The following TNNI3K variants were observed in gnomAD, a reference collection of about 807,000 sequenced individuals.
TNNI3K encodes TNNI3 interacting kinase.
Under a neutral mutation model 114.5 loss-of-function variants are expected in TNNI3K, and 140 were observed. The ratio of observed to expected loss-of-function variants is 1.22; its 90% CI spans 1.07 to 1.41. The LOEUF (loss-of-function observed/expected upper bound fraction) is 1.41, where lower values mean the gene tolerates loss of function less well. Among genes scored for constraint, TNNI3K ranks in the 40% most tolerant of loss-of-function variants. The pLI is 0.00. For missense variants in TNNI3K, 1,125 were observed against 1,007.6 expected, an observed-to-expected ratio of 1.12 and a Z score of -1.58; for synonymous variants, 347 against 347.5, an observed-to-expected ratio of 1.00 and a Z score of 0.02.
intron 17 of TNNI3K, among the ~76,000 whole-genome samples, chr1:74,383,511 T>C (rs939768864): frequency 2.0e-5 from 3 of 152,078 alleles, no homozygotes; most frequent in African/African-American, 7.2e-5. Flanking sequence ...CCCAAATGCT[T>C]CTTGCAGGAA....
chr1:74,319,296 G>A (rs1312428295), intron 5 of TNNI3K, among the ~76,000 whole-genome samples: 1 of 152,160 alleles, frequency 6.6e-6, no homozygotes, highest in African/African-American at 2.4e-5. Context: ...TGAGGGAGAG[G>A]TCAAGAGAGT....
At chr1:74,434,389 C>A (rs1270621400) in intron 17 of TNNI3K, among the ~76,000 whole-genome samples, 1 of 152,034 alleles carries the variant, frequency 6.6e-6, no homozygotes, top group Non-Finnish European at 1.5e-5. Flanking sequence ...TCTCTTCCAG[C>A]CTCATCTCCT....
chr1:74,326,659 A>G (rs985929284), intron 5 of TNNI3K, among the ~76,000 whole-genome samples: 3 of 152,320 alleles, frequency 2.0e-5, no homozygotes, highest in East Asian at 3.9e-4. Context: ...GAAAGATTAC[A>G]TTGTGTCACT....
chr1:74,236,993 T>C (rs1052611781), intron 2 of TNNI3K, among the ~76,000 whole-genome samples: 2 of 151,852 alleles, frequency 1.3e-5, no homozygotes, highest in South Asian at 4.1e-4. Flanking sequence ...GGCAAAGAAC[T>C]CCCTCTATTT....
rs74093683 is a variant in TNNI3K at position 74,313,973 on chromosome 1, G to C, written c.445-17477G>C. Among the ~76,000 whole-genome samples the C allele has an allele frequency of 9.9e-3, 1,488 of 150,612 alleles. 32 individuals are homozygous for C. Among genetic ancestry groups the C allele is most frequent in the African/African-American group, 0.035 (1,415 of 40,888 alleles). The stretch of plus-strand genomic sequence containing the variant: ...CTCTGATAAGACTGAAGTCTTAACC[G>C]ATATTCTGTAGAGCCCAAGAGAGGG... On this transcript the variant is annotated intron_variant, in intron 5 of 24. Coordinates refer to ENST00000326637, the MANE Select transcript of TNNI3K (RefSeq NM_015978.3).
intron 20 of TNNI3K, among the ~76,000 whole-genome samples, chr1:74,450,192 G>A (rs952577222): frequency 1.7e-4 from 25 of 150,938 alleles, no homozygotes; most frequent in Non-Finnish European, 3.2e-4. Flanking sequence ...AAATAAAGAT[G>A]TTCTTTGAAA....
At chr1:74,342,033 C>G (rs1660771267) in intron 7 of TNNI3K, 1 of 152,154 alleles carries the variant, frequency 6.6e-6, no homozygotes, top group Non-Finnish European at 1.5e-5. Flanking sequence ...TCCAGGATAA[C>G]AAGCCTAAAC....
At chr1:74,468,143 G>T (rs1446981438) in intron 21 of TNNI3K, 1 of 152,144 alleles carries the variant, frequency 6.6e-6, no homozygotes, top group Admixed American at 6.6e-5. Context: ...TGCCTCCTGA[G>T]AGTCAGTTAG....
intron 17 of TNNI3K, among the ~76,000 whole-genome samples, chr1:74,391,655 A>T (rs1663777482): frequency 6.6e-6 from 1 of 152,228 alleles, no homozygotes; most frequent in South Asian, 2.1e-4. Flanking sequence ...TACTTAAATT[A>T]TACATTTGAG....
intron 20 of TNNI3K, among the ~76,000 whole-genome samples, chr1:74,461,258 A>G (rs1667441890): frequency 6.6e-6 from 1 of 152,222 alleles, no homozygotes; most frequent in South Asian, 2.1e-4. Flanking sequence ...AGGCAGGAGG[A>G]TCACGAGGTC....
intron 11 of TNNI3K, among the ~76,000 whole-genome samples, chr1:74,361,047 T>A (rs1389473492): frequency 6.6e-6 from 1 of 152,132 alleles, no homozygotes; most frequent in Non-Finnish European, 1.5e-5. Context: ...ATCTGGTGAG[T>A]TGATATTCTA....
intron 4 of TNNI3K, among the ~76,000 whole-genome samples, chr1:74,264,899 C>T (rs904079540): frequency 1.3e-5 from 2 of 151,922 alleles, no homozygotes; most frequent in African/African-American, 4.8e-5. Context: ...TTTGCACATA[C>T]ATTATTTCAT....
At chr1:74,335,770 T>A (rs950916002) in intron 6 of TNNI3K, among the ~76,000 whole-genome samples, 3 of 152,174 alleles carry the variant, frequency 2.0e-5, no homozygotes, top group African/African-American at 7.2e-5. Flanking sequence ...TGCAGCTCTC[T>A]TACTACCATG....
At chr1:74,252,431 AAAAC>A (rs1057118349) in intron 4 of TNNI3K, among the ~76,000 whole-genome samples, 6 of 152,254 alleles carry the variant, frequency 3.9e-5, no homozygotes, top group Admixed American at 6.5e-5. Context: ...ACAAAAGTGA[AAAAC>A]AAATTAAAGT....
intron 21 of TNNI3K, among the ~76,000 whole-genome samples, chr1:74,465,551 G>A (rs1667638454): frequency 1.4e-5 from 2 of 148,082 alleles, no homozygotes; most frequent in Admixed American, 6.6e-5. Flanking sequence ...CCCAACCGTG[G>A]GCTCCTGCGT....
At chr1:74,503,381 T>C (rs572956653) in intron 23 of TNNI3K, among the ~76,000 whole-genome samples, 7 of 152,376 alleles carry the variant, frequency 4.6e-5, no homozygotes, top group African/African-American at 1.7e-4. Flanking sequence ...ATTTGAAATA[T>C]GATATCTATA....
chr1:74,313,907 A>G (rs1251141288), intron 5 of TNNI3K, among the ~76,000 whole-genome samples: 1 of 151,930 alleles, frequency 6.6e-6, no homozygotes, highest in Non-Finnish European at 1.5e-5. Context: ...GGTAAATTGT[A>G]CCAAATCATA....
intron 21 of TNNI3K, chr1:74,483,175 C>A: frequency 1.5e-6 from 1 of 677,820 alleles, no homozygotes; most frequent in Non-Finnish European, 2.8e-6. Flanking sequence ...AAGCTGAGCC[C>A]AGAGAACAGT....
rs192780443 is a variant in TNNI3K, at chr1:74,349,812, G to A, written c.933-3454G>A. Among the ~76,000 whole-genome samples the A allele has an allele frequency of 1.5e-3, 223 of 152,248 alleles. 2 individuals are homozygous for A. The highest frequency in any genetic ancestry group is 5.1e-3 in the African/African-American group (211 of 41,552). The stretch of plus-strand genomic sequence containing the variant: ...AGTTTGTATTTCTGTGGGATCGGTG[G>A]TGATATCCCCTGTGTCATTTTTTAT... On this transcript the variant is annotated intron_variant, in intron 9 of 24. Coordinates refer to ENST00000326637, the MANE Select transcript of TNNI3K (RefSeq NM_015978.3).
Sources: gnomAD v4.1 joint callset for allele counts (sites outside exome capture counted in the v4.1 genomes callset) on GRCh38, gnomAD v4.1.1 for gene constraint, MANE v1.5 for transcripts, NCBI Gene and HGNC (gene_info 2026-07-23, HGNC 2026-07-21) for gene names.